DLC1: variants seen among roughly 807,000 people sequenced by gnomAD.
DLC1 encodes DLC1 Rho GTPase activating protein, also known as rho GTPase-activating protein 7.
Under a neutral mutation model 140.3 loss-of-function variants are expected in DLC1, and 54 were observed. That is an observed-to-expected ratio of 0.38 (90% confidence interval 0.31 to 0.48). DLC1 has a LOEUF of 0.48. Ranked by LOEUF, DLC1 falls within the 20% of genes least tolerant of loss-of-function variation. DLC1 has a pLI of 0.96. For missense variants in DLC1, 2,536 were observed against 1,907.0 expected, an observed-to-expected ratio of 1.33 and a Z score of -6.14; for synonymous variants, 986 against 728.1, an observed-to-expected ratio of 1.35 and a Z score of -5.70.
chr8:13,587,555 A>T (rs1182994359), intron 1 of DLC1, among the ~76,000 whole-genome samples: 1 of 146,698 alleles, frequency 6.8e-6, no homozygotes, highest in African/African-American at 2.5e-5. Context: ...ACACACACAC[A>T]CACACACACA....
At chr8:13,157,399 T>A (rs1000080290) in intron 5 of DLC1, among the ~76,000 whole-genome samples, 1 of 152,148 alleles carries the variant, frequency 6.6e-6, no homozygotes, top group Non-Finnish European at 1.5e-5. Flanking sequence ...AACATGTGTT[T>A]TTGTAAGAGA....
chr8:13,266,030 G>T (rs1457739084), intron 5 of DLC1, among the ~76,000 whole-genome samples: 1 of 152,138 alleles, frequency 6.6e-6, no homozygotes, highest in Non-Finnish European at 1.5e-5. Context: ...TGGAAACATA[G>T]TCTTAAGTTC....
intron 4 of DLC1, among the ~76,000 whole-genome samples, chr8:13,382,367 C>T (rs1004695087): frequency 4.6e-5 from 7 of 150,632 alleles, no homozygotes; most frequent in South Asian, 2.1e-4. Context: ...ATTAGCCGGG[C>T]GAGGTGGCGG....
chr8:13,132,921 GGCAAGAC>G (rs1822243159), intron 5 of DLC1: 1 of 1,591,770 alleles, frequency 6.3e-7, no homozygotes, highest in Non-Finnish European at 8.5e-7. Flanking sequence ...CCAGCCCGAC[GGCAAGAC>G]GCAAGTCTAG....
intron 5 of DLC1, among the ~76,000 whole-genome samples, chr8:13,200,111 C>G (rs1224458680): frequency 6.6e-6 from 1 of 152,108 alleles, no homozygotes; most frequent in Non-Finnish European, 1.5e-5. Flanking sequence ...GGCGTGATCT[C>G]TGCTCACTGC....
intron 5 of DLC1, among the ~76,000 whole-genome samples, chr8:13,189,672 T>C (rs1445067340): frequency 6.6e-6 from 1 of 152,056 alleles, no homozygotes; most frequent in Non-Finnish European, 1.5e-5. Flanking sequence ...CACCTGAGGT[T>C]AGGAGTTTGA....
intron 4 of DLC1, among the ~76,000 whole-genome samples, chr8:13,350,662 G>A (rs1834613497): frequency 6.6e-6 from 1 of 152,076 alleles, no homozygotes; most frequent in African/African-American, 2.4e-5. Context: ...GTTGCAGTGA[G>A]CCTAGATGGC....
At chr8:13,331,165 C>G (rs1484523541) in intron 4 of DLC1, among the ~76,000 whole-genome samples, 6 of 152,152 alleles carry the variant, frequency 3.9e-5, no homozygotes, top group East Asian at 3.9e-4. Context: ...TACTGGGACA[C>G]TATACAGATT....
At chr8:13,322,583 T>A (rs753713075) in intron 4 of DLC1, among the ~76,000 whole-genome samples, 3 of 152,190 alleles carry the variant, frequency 2.0e-5, no homozygotes, top group Non-Finnish European at 2.9e-5. Context: ...ACACTTTAGA[T>A]CACAGTTTTC....
intron 1 of DLC1, among the ~76,000 whole-genome samples, chr8:13,540,509 TTCA>T (rs1357424614): frequency 6.6e-6 from 1 of 152,184 alleles, no homozygotes; most frequent in Non-Finnish European, 1.5e-5. Flanking sequence ...AGAATTCCAG[TTCA>T]TGAACTGAAT....
intron 5 of DLC1, among the ~76,000 whole-genome samples, chr8:13,181,457 G>C (rs1258531726): frequency 6.6e-6 from 1 of 151,218 alleles, no homozygotes; most frequent in Non-Finnish European, 1.5e-5. Flanking sequence ...ATTTATATTA[G>C]GTATTTCTCC....
chr8:13,590,063 A>AT (rs1491362074), intron 1 of DLC1, among the ~76,000 whole-genome samples: 1 of 119,346 alleles, frequency 8.4e-6, no homozygotes, highest in African/African-American at 3.0e-5. Context: ...CTCAACATGC[A>AT]TATATATATA....
chr8:13,156,888 C>A (rs186104314), intron 5 of DLC1, among the ~76,000 whole-genome samples: 1 of 152,186 alleles, frequency 6.6e-6, no homozygotes, highest in African/African-American at 2.4e-5. Flanking sequence ...AGAATACATT[C>A]GGGATAGGCA....
chr8:13,327,456 A>AT (rs1351663785), intron 4 of DLC1, among the ~76,000 whole-genome samples: 15 of 121,438 alleles, frequency 1.2e-4, no homozygotes, highest in African/African-American at 4.6e-4. Flanking sequence ...TTATTTTTTA[A>AT]TTTTTTATTT....
chr8:13,457,755 A>G (rs960043311), intron 2 of DLC1, among the ~76,000 whole-genome samples: 9 of 151,852 alleles, frequency 5.9e-5, no homozygotes, highest in African/African-American at 1.5e-4. Flanking sequence ...GTTTAGTTCA[A>G]TGATGCAATT....
chr8:13,468,951 G>A (rs1465488408), intron 2 of DLC1, among the ~76,000 whole-genome samples: 11 of 150,622 alleles, frequency 7.3e-5, no homozygotes, highest in Admixed American at 4.7e-4. Flanking sequence ...CTCCCGAATA[G>A]CTGGGACTGC....
chr8:13,488,882 A>G (rs965194015), intron 2 of DLC1, among the ~76,000 whole-genome samples: 11 of 152,234 alleles, frequency 7.2e-5, no homozygotes, highest in African/African-American at 7.2e-5. Context: ...AGCAAAGTGC[A>G]TGGGAAAGAG....
At chr8:13,596,653 T>C (rs868174766) in intron 1 of DLC1, among the ~76,000 whole-genome samples, 1 of 151,920 alleles carries the variant, frequency 6.6e-6, no homozygotes, top group Admixed American at 6.6e-5. Flanking sequence ...TGAGATAAAT[T>C]TGGGAGTCTT....
intron 2 of DLC1, among the ~76,000 whole-genome samples, chr8:13,414,765 A>G (rs540201471): frequency 4.4e-4 from 67 of 152,282 alleles, no homozygotes; most frequent in African/African-American, 1.6e-3. Flanking sequence ...CAATAAACTA[A>G]GAAAAATATC....
Sources: allele counts gnomAD v4.1 joint callset (sites outside exome capture counted in the v4.1 genomes callset), GRCh38; gene constraint gnomAD v4.1.1; transcripts MANE v1.5; gene names NCBI Gene and HGNC (gene_info 2026-07-23, HGNC 2026-07-21).